The following LINGO2 variants were observed in gnomAD, a reference collection of about 807,000 sequenced individuals.
LINGO2 encodes the protein leucine-rich repeat and immunoglobulin-like domain-containing nogo receptor-interacting protein 2.
LINGO2 carries 14 observed loss-of-function variants against 30.6 expected under a neutral mutation model. The observed-to-expected ratio is 0.46, with a 90% confidence interval of 0.30 to 0.72. The LOEUF is 0.72. Among genes scored for constraint, LINGO2 ranks in the 30% least tolerant of loss-of-function variants. The probability of loss-of-function intolerance (pLI) is 0.07; values close to 1 mark genes in which losing one functional copy is unlikely to be tolerated. For synonymous variants in LINGO2, 317 were observed against 288.5 expected (o/e 1.10, Z -1.00); for missense variants, 729 against 751.7 (o/e 0.97, Z 0.35).
the LINGO2 span, among the ~76,000 whole-genome samples, chr9:28,963,828 A>G: frequency 2.0e-5 from 3 of 152,016 alleles, no homozygotes; most frequent in East Asian, 3.9e-4. Flanking sequence ...GTACAAACAT[A>G]TAGTTAGAAG....
the LINGO2 span, among the ~76,000 whole-genome samples, chr9:28,984,864 T>C: frequency 2.6e-5 from 4 of 152,122 alleles, no homozygotes; most frequent in Non-Finnish European, 4.4e-5. Context: ...ATTATTTTTG[T>C]AGTGAGAACA....
At chr9:29,208,127 C>G in the LINGO2 span, among the ~76,000 whole-genome samples, 1 of 151,696 alleles carries the variant, frequency 6.6e-6, no homozygotes, top group East Asian at 1.9e-4. Context: ...CAAAATATTC[C>G]ACAAGCTAAA....
intron 3 of LINGO2, among the ~76,000 whole-genome samples, chr9:28,365,264 G>C (rs1820615192): frequency 6.6e-6 from 1 of 152,090 alleles, no homozygotes; most frequent in Non-Finnish European, 1.5e-5. Context: ...TGGAACAAAG[G>C]GAGCTTTCTA....
the LINGO2 span, among the ~76,000 whole-genome samples, chr9:28,972,642 G>A: frequency 6.6e-6 from 1 of 152,144 alleles, no homozygotes; most frequent in African/African-American, 2.4e-5. Flanking sequence ...CTGTTCTCAT[G>A]CTGCTAATAA....
chr9:28,129,017 C>G lies in LINGO2; in HGVS notation c.-86-116612G>C, dbSNP rs1468526998. Among the ~76,000 whole-genome samples, 1 of 152,160 alleles carries G rather than the reference C, an allele frequency of 6.6e-6. No individual in the cohort carries two copies. Among genetic ancestry groups the G allele is most frequent in the African/African-American group, 2.4e-5 (1 of 41,434 alleles). The stretch of plus-strand genomic sequence containing the variant: ...CTGGCCTTCATCTTTCTCCCATGCT[C>G]TATGCTTCCTGGCCTGAAACATCAG... On this transcript the variant is annotated intron_variant, in intron 4 of 5. Coordinates refer to ENST00000379992, the Ensembl canonical transcript of LINGO2. The surrounding 1 kb of genome is among the most constrained non-coding windows in gnomAD (Gnocchi z 4.0).
intron 2 of LINGO2, among the ~76,000 whole-genome samples, chr9:28,397,928 T>C (rs571012102): frequency 7.9e-5 from 12 of 152,324 alleles, no homozygotes; most frequent in African/African-American, 2.9e-4. Context: ...TCTGTGATCT[T>C]TGTACCTCTC....
At chr9:28,488,027 C>T (rs951323529) in intron 1 of LINGO2, among the ~76,000 whole-genome samples, 1 of 152,082 alleles carries the variant, frequency 6.6e-6, no homozygotes, top group Non-Finnish European at 1.5e-5. Flanking sequence ...TAAAGTATAG[C>T]CCTGCTGACA....
At chr9:28,883,634 A>ATGTGTG in the LINGO2 span, among the ~76,000 whole-genome samples, 1 of 81,794 alleles carries the variant, frequency 1.2e-5, no homozygotes, top group East Asian at 3.9e-4. Flanking sequence ...GTGTGTATAT[A>ATGTGTG]TATATATATA....
chr9:28,081,602 C>T (rs1485068524), intron 4 of LINGO2, among the ~76,000 whole-genome samples: 1 of 152,272 alleles, frequency 6.6e-6, no homozygotes, highest in East Asian at 1.9e-4. Context: ...AGAGAACGAG[C>T]TATATTGATG....
chr9:29,132,461 C>T, the LINGO2 span, among the ~76,000 whole-genome samples: 1 of 152,068 alleles, frequency 6.6e-6, no homozygotes, highest in African/African-American at 2.4e-5. Flanking sequence ...TCTGATTTGT[C>T]GCCTTCCACA....
chr9:28,117,765 C>T (rs577319951), intron 4 of LINGO2, among the ~76,000 whole-genome samples: 169 of 148,928 alleles, frequency 1.1e-3, no homozygotes, highest in Middle Eastern at 0.011. Flanking sequence ...TGCCCTGCTT[C>T]GGCTCGCGGA....
At chr9:28,951,332 C>T in the LINGO2 span, among the ~76,000 whole-genome samples, 2 of 150,748 alleles carry the variant, frequency 1.3e-5, no homozygotes, top group Admixed American at 6.6e-5. Context: ...ACTCTGCACA[C>T]CACTTTCCTT....
At chr9:29,200,654 C>T in the LINGO2 span, among the ~76,000 whole-genome samples, 5 of 152,048 alleles carry the variant, frequency 3.3e-5, no homozygotes, top group Non-Finnish European at 2.9e-5. Context: ...ATGGTACATT[C>T]GTCACAATTC....
intron 4 of LINGO2, among the ~76,000 whole-genome samples, chr9:28,063,257 C>T (rs778037752): frequency 5.3e-5 from 8 of 151,976 alleles, no homozygotes; most frequent in Non-Finnish European, 1.0e-4. Context: ...TTAAGCCTTA[C>T]GAAGGATTGT....
intron 3 of LINGO2, among the ~76,000 whole-genome samples, chr9:28,325,660 G>A (rs912011711): frequency 3.3e-5 from 5 of 152,138 alleles, no homozygotes. Context: ...CACCATGTAA[G>A]ATGTGCCTTT....
chr9:28,081,394 C>T (rs1234604312), intron 4 of LINGO2, among the ~76,000 whole-genome samples: 2 of 151,836 alleles, frequency 1.3e-5, no homozygotes, highest in African/African-American at 4.8e-5. Flanking sequence ...CTTAACAATC[C>T]TCAAGCAGGA....
chr9:28,355,307 C>CTCTCTCTCTCTCTCTG (rs1820138082), intron 3 of LINGO2, among the ~76,000 whole-genome samples: 2 of 48,240 alleles, frequency 4.1e-5, no homozygotes, highest in African/African-American at 1.1e-4. Flanking sequence ...ATGTCTCTCT[C>CTCTCTCTCTCTCTCTG]TCTCTCTCTC....
intron 3 of LINGO2, among the ~76,000 whole-genome samples, chr9:28,297,464 T>C (rs1823965432): frequency 6.6e-6 from 1 of 152,178 alleles, no homozygotes; most frequent in African/African-American, 2.4e-5. Context: ...ATAAGTTCTC[T>C]TCATGAAAAG....
the LINGO2 span, among the ~76,000 whole-genome samples, chr9:28,935,146 C>G: frequency 3.3e-5 from 5 of 151,906 alleles, no homozygotes; most frequent in Non-Finnish European, 7.4e-5. Flanking sequence ...CTACAAATTC[C>G]TGGGAGACAT....
Sources: allele counts gnomAD v4.1 joint callset (sites outside exome capture counted in the v4.1 genomes callset), GRCh38; gene constraint gnomAD v4.1.1; non-coding constraint Gnocchi (gnomAD v3.1); transcripts MANE v1.5; gene names NCBI Gene and HGNC (gene_info 2026-07-23, HGNC 2026-07-21).